TIMM50: variants seen among roughly 807,000 people sequenced by gnomAD.
TIMM50 encodes translocase of inner mitochondrial membrane 50.
In TIMM50, 34 loss-of-function variants were observed where a neutral mutation model predicts 49.6. That is an observed-to-expected ratio of 0.69 (90% CI 0.52 to 0.91). The LOEUF (loss-of-function observed/expected upper bound fraction) is 0.91, where lower values mean the gene tolerates loss of function less well. TIMM50 is among the 40% of genes least tolerant of loss of function. The pLI is 0.00. For synonymous variants in TIMM50, 199 were observed against 198.4 expected, an observed-to-expected ratio of 1.00 and a Z score of -0.03; for missense variants, 458 against 477.8, an observed-to-expected ratio of 0.96 and a Z score of 0.39.
At position 39,482,934 on chromosome 19, in the gene TIMM50, C is replaced by T. The variant is rs201774768; in HGVS notation, c.291+18C>T. The T allele has an allele frequency of 4.9e-5, 79 of 1,614,108 alleles. No individual in the cohort carries two copies. In the South Asian group the frequency reaches 5.7e-4, roughly 12 times the overall value. ...GTGCCAAGGTGAGGGGGAAAGAGACCGAGGCCTTGCCAGGAGTCCTAGTCT... is the reference window on the plus strand; with the variant it reads ...GTGCCAAGGTGAGGGGGAAAGAGACTGAGGCCTTGCCAGGAGTCCTAGTCT... On this transcript the variant is annotated intron_variant, in intron 3 of 10. Coordinates refer to ENST00000607714, the MANE Select transcript of TIMM50 (RefSeq NM_001001563.5).
At position 39,491,844 on chromosome 19, in the gene TIMM50, A is replaced by T. The variant is rs1386579852; in HGVS notation, c.*2024A>T. The T allele has an allele frequency of 6.6e-6, 1 of 151,362 alleles. No homozygotes were observed. Among genetic ancestry groups the T allele is most frequent in the African/African-American group, 2.4e-5 (1 of 41,148 alleles). The allele number at this position is 151,362 out of a possible 1,614,324, so 9.4% of individuals were successfully genotyped here. ...CCTGTCTCAAAAAAAAAAAAAAAAA[A>T]AAAAAAACCTTAAGATTTTTTTTTG... On this transcript the variant is annotated 3_prime_UTR_variant, in exon 11 of 11. Transcript: ENST00000607714.
At chr19:39,488,026 C>A in intron 8 of TIMM50, 35 bp from the exon 9 acceptor site, 1 of 1,585,100 alleles carries the variant, frequency 6.3e-7, no homozygotes, top group Non-Finnish European at 8.6e-7. Flanking sequence ...GAGAGTTGGG[C>A]ACAGATGTTG....
chr19:39,486,750 G>A lies in TIMM50; in HGVS notation c.696+255G>A, dbSNP rs1021735926. On this transcript the variant is annotated intron_variant, in intron 8 of 10. Transcript: ENST00000607714. ...ACAGTTGGGGGTTAGTGGTAAGGTC[G>A]TACGATTTAGAAGCTGGTTTTATCT... Among the ~76,000 whole-genome samples, 10 of 152,292 alleles carry A rather than the reference G, an allele frequency of 6.6e-5. No individual in the cohort carries two copies. In the South Asian group the frequency reaches 1.0e-3, roughly 16 times the overall value.
At position 39,492,061 on chromosome 19, in the gene TIMM50, C is replaced by T. The variant is rs1283636013; in HGVS notation, c.*2241C>T. The T allele has an allele frequency of 6.6e-6, 1 of 152,036 alleles. No homozygotes were observed. The highest frequency in any genetic ancestry group is 1.5e-5 in the Non-Finnish European group (1 of 68,030). 9.4% of individuals were successfully genotyped at this position (152,036 alleles called of 1,614,324 possible). On this transcript the variant is annotated 3_prime_UTR_variant, in exon 11 of 11. Coordinates refer to ENST00000607714, the MANE Select transcript of TIMM50 (RefSeq NM_001001563.5). ...CATGTGTCTCCTGTATTGACAGTAC[C>T]ACTGTGTATTAAGAGTATGAGTCCC...
At chr19:39,485,505 G>A in intron 4 of TIMM50, 39 bp from the exon 5 acceptor site, 1 of 1,613,714 alleles carries the variant, frequency 6.2e-7, no homozygotes, top group Non-Finnish European at 8.5e-7. Flanking sequence ...TTGAACAGCG[G>A]CTTATTGTGG....
rs558662054 is a variant in TIMM50 at position 39,484,132 on chromosome 19, C to T, written c.313+976C>T. 3.3e-5 allele frequency among the ~76,000 whole-genome samples: 5 copies of T among 152,296 alleles called. No homozygotes were observed. The South Asian group carries it at 1.0e-3, about 32-fold the overall frequency. On this transcript the variant is annotated intron_variant, in intron 4 of 10. Transcript: ENST00000607714. ...CCTCCCAAAGTGCTGGGATTACAGG[C>T]TTGAGCCACCACTCCTGGCCCAATA... is the stretch of plus-strand genomic sequence containing the variant.
At position 39,488,703 on chromosome 19, in the gene TIMM50, C is replaced by G. The variant is rs2079524816; in HGVS notation, c.960+58C>G. ...GCTCTGAGGCTCCTGAAGGAGGAGC[C>G]TGGGGCAGTCCATCTCCACACTCTT... On this transcript the variant is annotated intron_variant, in intron 10 of 10. Transcript: ENST00000607714. 3 of 1,400,046 alleles carry G rather than the reference C, an allele frequency of 2.1e-6. No homozygotes were observed. In the African/African-American group the frequency reaches 4.2e-5, roughly 20 times the overall value. 86.7% of individuals were successfully genotyped at this position (1,400,046 alleles called of 1,614,324 possible). A position where few individuals can be genotyped will look rare whatever the true frequency, so the allele number is the denominator to read the frequency against.
intron 8 of TIMM50, 51 bp from the exon 9 acceptor site, chr19:39,488,010 T>TG (rs1463169650): frequency 9.5e-6 from 15 of 1,571,098 alleles, no homozygotes; most frequent in Admixed American, 1.7e-5. Context: ...GTCTTCTTGA[T>TG]GGGGGGAGAG....
At chr19:39,484,499 C>G (rs1479675570) in intron 4 of TIMM50, among the ~76,000 whole-genome samples, 1 of 152,016 alleles carries the variant, frequency 6.6e-6, no homozygotes, top group Non-Finnish European at 1.5e-5. Flanking sequence ...CGCTTTGGAC[C>G]AGATAATTAT....
chr19:39,485,969 C>A, intron 6 of TIMM50, 162 bp downstream of exon 6: 1 of 1,222,124 alleles, frequency 8.2e-7, no homozygotes, highest in East Asian at 2.4e-5. Flanking sequence ...TGCTAACACC[C>A]ACTCTGTAGG....
At chr19:39,481,578 C>T (rs977773760) in intron 1 of TIMM50, among the ~76,000 whole-genome samples, 1 of 152,178 alleles carries the variant, frequency 6.6e-6, no homozygotes, top group African/African-American at 2.4e-5. Context: ...AGTGTTTAGG[C>T]CCTCCCATCC....
Position 39,483,170 on chromosome 19 carries a change from CA to C in TIMM50, c.313+15del. The C allele has an allele frequency of 2.5e-6, 4 of 1,614,150 alleles. No homozygotes were observed. The highest frequency in any genetic ancestry group is 3.4e-6 in the Non-Finnish European group (4 of 1,180,012). ...AGTTCGACAATGGTGAGTAAACAAGCACAGATTCTGGAGTCCCTGACCCTCT... is the reference window on the plus strand; with the variant it reads ...AGTTCGACAATGGTGAGTAAACAAGCCAGATTCTGGAGTCCCTGACCCTCT... On this transcript the variant is annotated intron_variant, in intron 4 of 10. Transcript: ENST00000607714.
intron 4 of TIMM50, chr19:39,485,225 G>C (rs2079496819): frequency 1.0e-5 from 4 of 382,754 alleles, no homozygotes. Context: ...GCCTCCCAAA[G>C]TGCTGGGATT....
chr19:39,483,392 G>C (rs2079485511), intron 4 of TIMM50: 9 of 576,878 alleles, frequency 1.6e-5, no homozygotes, highest in Non-Finnish European at 2.8e-5. Context: ...GCCTTGGGTG[G>C]GAGGGCTTGG....
chr19:39,493,091 T>C lies in TIMM50; in HGVS notation c.*3271T>C, dbSNP rs2079558962. Reference sequence around the variant, plus strand: ...TGGACCAGACTGAACCTCTGCACTCTAGATTTTTTTTTTTTTGAAGCCTCT... The same window carrying C: ...TGGACCAGACTGAACCTCTGCACTCCAGATTTTTTTTTTTTTGAAGCCTCT... On this transcript the variant is annotated 3_prime_UTR_variant, in exon 11 of 11. Transcript: ENST00000607714. The C allele has an allele frequency of 6.6e-6, 1 of 151,554 alleles. No homozygotes were observed. Among genetic ancestry groups the C allele is most frequent in the Non-Finnish European group, 1.5e-5 (1 of 67,962 alleles). The allele number at this position is 151,554 out of a possible 1,614,324, so 9.4% of individuals were successfully genotyped here.
In TIMM50 at chr19:39,493,284, C is replaced by T. The variant is rs2079560228; in HGVS notation, c.*3464C>T. On this transcript the variant is annotated 3_prime_UTR_variant, in exon 11 of 11. Coordinates refer to ENST00000607714, the MANE Select transcript of TIMM50 (RefSeq NM_001001563.5). ...TTTTTGTTTTTTTGAGATGGAGTCTCTGTTGCCCAGGCTGGAGTGCAGTGG... is the reference window on the plus strand; with the variant it reads ...TTTTTGTTTTTTTGAGATGGAGTCTTTGTTGCCCAGGCTGGAGTGCAGTGG... The T allele has an allele frequency of 6.6e-6, 1 of 151,610 alleles. No homozygotes were observed. The allele number at this position is 151,610 out of a possible 1,614,324, so 9.4% of individuals were successfully genotyped here.
rs747720981 is a variant in TIMM50, at chr19:39,482,024, T to A, written c.250T>A (p.Tyr84Asn). 2 of 1,613,980 alleles carry A rather than the reference T, an allele frequency of 1.2e-6. No homozygotes were observed. The highest frequency in any genetic ancestry group is 4.5e-5 in the East Asian group (2 of 44,864). The change falls in exon 2 of 11, where the codon TAT becomes AAT. Residue 84 changes from tyrosine to asparagine, a missense_variant. By Grantham distance (143) the Tyr-to-Asn change is moderately radical. Transcript: ENST00000607714. The part of the protein sequence containing the change: ...LGAGGTVSVV[Y>N]IFGNNPVDEN... Reference sequence around the variant, plus strand: ...AGCTGGTGGGACTGTGAGCGTCGTCTATATCTTTGGTGAGGGACATATCCC... The same window carrying A: ...AGCTGGTGGGACTGTGAGCGTCGTCAATATCTTTGGTGAGGGACATATCCC...
chr19:39,480,848 C>A lies in TIMM50; in HGVS notation c.-6C>A, dbSNP rs771997018. Reference sequence around the variant, plus strand: ...AGTGGGCGGGGCCGCGTGGCGTCAGCGCAAGATGGCGGCCTCGGCAGCGGT... The same window carrying A: ...AGTGGGCGGGGCCGCGTGGCGTCAGAGCAAGATGGCGGCCTCGGCAGCGGT... On this transcript the variant is annotated 5_prime_UTR_variant, in exon 1 of 11. Coordinates refer to ENST00000607714, the MANE Select transcript of TIMM50 (RefSeq NM_001001563.5). 1 of 1,594,634 alleles carries A rather than the reference C, an allele frequency of 6.3e-7. No individual in the cohort carries two copies. Among genetic ancestry groups the A allele is most frequent in the East Asian group, 2.3e-5 (1 of 43,998 alleles).
intron 1 of TIMM50, chr19:39,481,183 GCC>G: frequency 5.1e-6 from 3 of 589,860 alleles, no homozygotes; most frequent in Non-Finnish European, 8.5e-6. Flanking sequence ...CCACGTGGGT[GCC>G]GGAGGAGGAG....
Sources: allele counts gnomAD v4.1 joint callset (sites outside exome capture counted in the v4.1 genomes callset), GRCh38; gene constraint gnomAD v4.1.1; transcripts MANE v1.5; gene names NCBI Gene and HGNC (gene_info 2026-07-23, HGNC 2026-07-21).